TMEM33: variants seen among roughly 807,000 people sequenced by gnomAD.
TMEM33 encodes the protein transmembrane protein 33.
Under a neutral mutation model 29.7 loss-of-function variants are expected in TMEM33, and 16 were observed. The observed-to-expected ratio is 0.54, with a 90% CI of 0.36 to 0.82. The LOEUF (loss-of-function observed/expected upper bound fraction) is 0.82, where lower values mean the gene tolerates loss of function less well. Ranked by LOEUF, TMEM33 falls within the 40% of genes least tolerant of loss-of-function variation. TMEM33 has a pLI of 0.00. For synonymous variants in TMEM33, 112 were observed against 109.4 expected, an observed-to-expected ratio of 1.02 and a Z score of -0.15; for missense variants, 252 against 295.3, an observed-to-expected ratio of 0.85 and a Z score of 1.08.
intron 4 of TMEM33, chr4:41,944,040 G>A (rs1012923176): frequency 4.2e-6 from 2 of 475,842 alleles, no homozygotes; most frequent in Admixed American, 4.0e-5. Context: ...TCACCCCCCA[G>A]TCTCCAGGGG....
Position 41,955,363 on chromosome 4 carries a change from A to C in TMEM33, c.*1164A>C, listed in dbSNP as rs1713219579. The C allele has an allele frequency of 6.6e-6, 1 of 152,426 alleles. No individual in the cohort carries two copies. Among genetic ancestry groups the C allele is most frequent in the African/African-American group, 2.4e-5 (1 of 41,442 alleles). The allele number at this position is 152,426 out of a possible 1,614,324, so 9.4% of individuals were successfully genotyped here. On this transcript the variant is annotated 3_prime_UTR_variant, in exon 7 of 7. Coordinates refer to ENST00000504986, the MANE Select transcript of TMEM33 (RefSeq NM_018126.3). ...TGATTTGGGTTGTAAAATGTGTTAA[A>C]TCCTGTTCATTGAACTCCCATCAAC...
intron 1 of TMEM33, among the ~76,000 whole-genome samples, chr4:41,936,542 C>T (rs977808872): frequency 1.4e-5 from 2 of 146,788 alleles, no homozygotes; most frequent in Non-Finnish European, 3.0e-5. Context: ...AACCTTCTCT[C>T]AAAACAAACA....
At position 41,949,738 on chromosome 4, in the gene TMEM33, T is replaced by C. The variant is rs550314276; in HGVS notation, c.614+353T>C. ...TTAGGATACAGAATTCACAAGCCAATAGATAATGAATGCCATATGTTTGCT... is the reference window on the plus strand; with the variant it reads ...TTAGGATACAGAATTCACAAGCCAACAGATAATGAATGCCATATGTTTGCT... On this transcript the variant is annotated intron_variant, in intron 6 of 6. Coordinates refer to ENST00000504986, the MANE Select transcript of TMEM33 (RefSeq NM_018126.3). 7.9e-5 allele frequency among the ~76,000 whole-genome samples: 12 copies of C among 152,206 alleles called. No homozygotes were observed. In the South Asian group the frequency reaches 1.9e-3, roughly 24 times the overall value.
chr4:41,937,687 T>C (rs1474952630), intron 1 of TMEM33, among the ~76,000 whole-genome samples: 1 of 152,206 alleles, frequency 6.6e-6, no homozygotes, highest in Non-Finnish European at 1.5e-5. Context: ...TATATCCATG[T>C]ATATGGATCT....
chr4:41,946,772 C>A (rs1413655226), intron 5 of TMEM33, among the ~76,000 whole-genome samples: 1 of 147,368 alleles, frequency 6.8e-6, no homozygotes, highest in Non-Finnish European at 1.5e-5. Context: ...CCACCTCTTT[C>A]TTTTGTGATC....
At position 41,954,995 on chromosome 4, in the gene TMEM33, T is replaced by C. The variant is rs964719434; in HGVS notation, c.*796T>C. ...GTGGACATATAGATTATTCGTATTA[T>C]AGTTTGTAGAACTACCTAGTTCAGA... On this transcript the variant is annotated 3_prime_UTR_variant, in exon 7 of 7. Coordinates refer to ENST00000504986, the MANE Select transcript of TMEM33 (RefSeq NM_018126.3). 2.6e-5 allele frequency: 4 copies of C among 152,668 alleles called. No individual in the cohort carries two copies. Among genetic ancestry groups the C allele is most frequent in the African/African-American group, 7.2e-5 (3 of 41,458 alleles). 9.5% of individuals were successfully genotyped at this position (152,668 alleles called of 1,614,324 possible). A position where few individuals can be genotyped will look rare whatever the true frequency, so the allele number is the denominator to read the frequency against.
At position 41,955,551 on chromosome 4, in the gene TMEM33, AT is replaced by A. The variant is rs1396057121; in HGVS notation, c.*1354del. ...CATTCATTAGTAATTTATCAGTAAC[AT>A]TAGTTTTATTTTTGTTCATCTCCTT... On this transcript the variant is annotated 3_prime_UTR_variant, in exon 7 of 7. Transcript: ENST00000504986. 1 of 152,632 alleles carries A rather than the reference AT, an allele frequency of 6.6e-6. No homozygotes were observed. Among genetic ancestry groups the A allele is most frequent in the Non-Finnish European group, 1.5e-5 (1 of 68,036 alleles). The allele number at this position is 152,632 out of a possible 1,614,324, so 9.5% of individuals were successfully genotyped here.
chr4:41,947,444 T>G (rs1044353201), intron 5 of TMEM33, among the ~76,000 whole-genome samples: 1 of 152,152 alleles, frequency 6.6e-6, no homozygotes. Context: ...AATTTTTTGT[T>G]AGGAGCACCA....
Position 41,952,014 on chromosome 4 carries a change from A to T in TMEM33, c.615-2056A>T, listed in dbSNP as rs546598585. ...AGAAATATTCCAGAAAATGGATTGCAAGCTCAGCAAGAGAAGAAAAATATC... is the reference window on the plus strand; with the variant it reads ...AGAAATATTCCAGAAAATGGATTGCTAGCTCAGCAAGAGAAGAAAAATATC... On this transcript the variant is annotated intron_variant, in intron 6 of 6. Coordinates refer to ENST00000504986, the MANE Select transcript of TMEM33 (RefSeq NM_018126.3). 2.0e-5 allele frequency among the ~76,000 whole-genome samples: 3 copies of T among 152,314 alleles called. No homozygotes were observed. In the East Asian group the frequency reaches 5.8e-4, roughly 29 times the overall value.
rs1257829591 is a variant in TMEM33, at chr4:41,957,386, A to T, written c.*3187A>T. 1.3e-5 allele frequency: 2 copies of T among 152,062 alleles called. No homozygotes were observed. The highest frequency in any genetic ancestry group is 3.9e-4 in the East Asian group (2 of 5,186). 9.4% of individuals were successfully genotyped at this position (152,062 alleles called of 1,614,324 possible). ...TTTAAGAATGTCCCTTACAGAGAAA[A>T]GGCCAACTATAATACTAAGCTAAAA... On this transcript the variant is annotated 3_prime_UTR_variant, in exon 7 of 7. Coordinates refer to ENST00000504986, the MANE Select transcript of TMEM33 (RefSeq NM_018126.3).
chr4:41,938,738 G>C, intron 2 of TMEM33, 42 bp downstream of exon 2: 2 of 1,595,532 alleles, frequency 1.3e-6, no homozygotes, highest in South Asian at 1.1e-5. Context: ...TTCAATTGTT[G>C]AGTCAGTTTA....
intron 3 of TMEM33, among the ~76,000 whole-genome samples, chr4:41,940,567 T>C (rs1712489832): frequency 2.0e-5 from 3 of 152,158 alleles, no homozygotes; most frequent in South Asian, 4.1e-4. Flanking sequence ...GGTGGCACTT[T>C]GGGAGGCTGA....
At position 41,960,338 on chromosome 4, in the gene TMEM33, A is replaced by C. The variant is rs1713420519; in HGVS notation, c.*6139A>C. ...CTGCTTAAATCAGCAAGAATGATAA[A>C]TTTGATGGTGTGAAATTGGAAGTAT... On this transcript the variant is annotated 3_prime_UTR_variant, in exon 7 of 7. Transcript: ENST00000504986. The C allele has an allele frequency of 6.6e-6, 1 of 152,162 alleles. No individual in the cohort carries two copies. The highest frequency in any genetic ancestry group is 1.5e-5 in the Non-Finnish European group (1 of 68,006). The allele number at this position is 152,162 out of a possible 1,614,324, so 9.4% of individuals were successfully genotyped here.
At chr4:41,935,156 A>T (rs191549536), upstream of TMEM33, 419 of 452,878 alleles carry the variant, frequency 9.3e-4, 5 homozygotes, top group Admixed American at 0.012. Flanking sequence ...TTCGGCAATA[A>T]CCTGGAGCCG....
rs1358386513 is a variant in TMEM33 at position 41,937,388 on chromosome 4, T to C, written c.46-1214T>C. ...GTCTGGATTTAATGATAAATCAAAG[T>C]TGTATTTCATATTTCTGAAATTACC... On this transcript the variant is annotated intron_variant, in intron 1 of 6. Coordinates refer to ENST00000504986, the MANE Select transcript of TMEM33 (RefSeq NM_018126.3). Among the ~76,000 whole-genome samples the C allele has an allele frequency of 5.9e-5, 9 of 152,330 alleles. No individual in the cohort carries two copies. In the East Asian group the frequency reaches 1.5e-3, roughly 26 times the overall value.
At chr4:41,943,678 CA>C in intron 3 of TMEM33, 68 bp from the exon 4 acceptor site, 1 of 1,367,808 alleles carries the variant, frequency 7.3e-7, no homozygotes, top group East Asian at 2.3e-5. Flanking sequence ...TATATTTGGA[CA>C]TAATACATAG....
chr4:41,950,856 C>T (rs1262272854), intron 6 of TMEM33, among the ~76,000 whole-genome samples: 1 of 152,046 alleles, frequency 6.6e-6, no homozygotes, highest in African/African-American at 2.4e-5. Flanking sequence ...ACCCTTAAAT[C>T]ATATTAGTAC....
At chr4:41,936,927 G>T (rs1168985795) in intron 1 of TMEM33, among the ~76,000 whole-genome samples, 1 of 151,928 alleles carries the variant, frequency 6.6e-6, no homozygotes, top group Non-Finnish European at 1.5e-5. Context: ...TGATTAAGGT[G>T]GTGTCCACCA....
chr4:41,949,374 C>A lies in TMEM33; in HGVS notation c.603C>A (p.Asn201Lys). The change falls in exon 6 of 7, where the codon AAC becomes AAA. Residue 201 changes from asparagine (N) to lysine (K), a missense_variant. Transcript: ENST00000504986. Reference sequence around the variant, plus strand: ...CCCTTCGATATTCGTCTCGAAGAAACCCATATTGTCGGTAAGCTGATGATT... The same window carrying A: ...CCCTTCGATATTCGTCTCGAAGAAAACCATATTGTCGGTAAGCTGATGATT... ...FLTLRYSSRR[N>K]PYCRTLFNEL... 1 of 1,608,706 alleles carries A rather than the reference C, an allele frequency of 6.2e-7. No homozygotes were observed. The highest frequency in any genetic ancestry group is 8.5e-7 in the Non-Finnish European group (1 of 1,177,832).
Sources: gnomAD v4.1 joint callset for allele counts (sites outside exome capture counted in the v4.1 genomes callset) on GRCh38, gnomAD v4.1.1 for gene constraint, MANE v1.5 for transcripts, NCBI Gene and HGNC (gene_info 2026-07-23, HGNC 2026-07-21) for gene names.